TULP3: variants seen among roughly 807,000 people sequenced by gnomAD.
The protein encoded by TULP3 is tubby-related protein 3.
In TULP3, 38 loss-of-function variants were observed where a neutral mutation model predicts 50.7. That is an observed-to-expected ratio of 0.75 (90% CI 0.58 to 0.98). TULP3 has a LOEUF of 0.98. TULP3 is among the 50% of genes least tolerant of loss of function. TULP3 has a pLI of 0.00. For synonymous variants in TULP3, 183 were observed against 196.6 expected (o/e 0.93, Z 0.58); for missense variants, 550 against 568.0 (o/e 0.97, Z 0.32).
chr12:2,923,704 G>A (rs1591533321), intron 4 of TULP3, among the ~76,000 whole-genome samples: 1 of 151,772 alleles, frequency 6.6e-6, no homozygotes, highest in East Asian at 1.9e-4. Flanking sequence ...AGGCATGGTG[G>A]CTCATGCCTA....
rs1301917339 is a variant in TULP3, at chr12:2,940,513, C to T, written c.*1069C>T. The T allele has an allele frequency of 1.3e-6, 2 of 1,538,834 alleles. No homozygotes were observed. Among genetic ancestry groups the T allele is most frequent in the Admixed American group, 2.0e-5 (1 of 49,120 alleles). ...TCCACGTATTATGTGACTCTTACAC[C>T]AGTTCACCCTTCCCAGAATGTATCC... On this transcript the variant is annotated 3_prime_UTR_variant, in exon 11 of 11. Coordinates refer to ENST00000448120, the MANE Select transcript of TULP3 (RefSeq NM_003324.5).
intron 1 of TULP3, among the ~76,000 whole-genome samples, chr12:2,905,988 C>G (rs376449076): frequency 6.0e-4 from 90 of 150,580 alleles, no homozygotes; most frequent in Middle Eastern, 6.8e-3. Context: ...TGCCACTGCA[C>G]TCTAGCCCAG....
chr12:2,921,284 C>T (rs765604505), intron 3 of TULP3, among the ~76,000 whole-genome samples: 4 of 152,176 alleles, frequency 2.6e-5, no homozygotes, highest in South Asian at 4.1e-4. Flanking sequence ...GGTTTACAGG[C>T]GCCTGCCACC....
Position 2,940,846 on chromosome 12 carries a change from A to G in TULP3, c.*1402A>G. 1 of 909,916 alleles carries G rather than the reference A, an allele frequency of 1.1e-6. No homozygotes were observed. Among genetic ancestry groups the G allele is most frequent in the Non-Finnish European group, 1.6e-6 (1 of 610,418 alleles). The allele number at this position is 909,916 out of a possible 1,614,324, so 56.4% of individuals were successfully genotyped here. ...ATGTATCCCACCAAGTGCCTCCCTC[A>G]CAGCCATGCCCAGAAGCCTCACACC... On this transcript the variant is annotated 3_prime_UTR_variant, in exon 11 of 11. Coordinates refer to ENST00000448120, the MANE Select transcript of TULP3 (RefSeq NM_003324.5).
At chr12:2,932,408 G>A (rs2098198621) in intron 6 of TULP3, among the ~76,000 whole-genome samples, 1 of 151,874 alleles carries the variant, frequency 6.6e-6, no homozygotes, top group Non-Finnish European at 1.5e-5. Flanking sequence ...GGGAGACCCT[G>A]CCTCTAGCAA....
Position 2,940,599 on chromosome 12 carries a change from T to C in TULP3, c.*1155T>C. The C allele has an allele frequency of 6.4e-7, 1 of 1,551,752 alleles. No homozygotes were observed. Among genetic ancestry groups the C allele is most frequent in the Non-Finnish European group, 8.7e-7 (1 of 1,146,998 alleles). ...CGTCAGCACCATTCAGCTGCATCCC[T>C]TGTGCACAGAACTGTTTGCCAGCGT... On this transcript the variant is annotated 3_prime_UTR_variant, in exon 11 of 11. Coordinates refer to ENST00000448120, the MANE Select transcript of TULP3 (RefSeq NM_003324.5).
intron 1 of TULP3, among the ~76,000 whole-genome samples, chr12:2,891,969 C>G (rs2098172384): frequency 6.6e-6 from 1 of 151,888 alleles, no homozygotes; most frequent in Non-Finnish European, 1.5e-5. Context: ...GCCTGTAGTT[C>G]CAGCGACTCG....
At chr12:2,937,333 C>CAGCCTACCGAGT (rs1200547479) in intron 8 of TULP3, among the ~76,000 whole-genome samples, 1 of 147,876 alleles carries the variant, frequency 6.8e-6, no homozygotes, top group Admixed American at 6.9e-5. Flanking sequence ...TCTCCTGCCT[C>CAGCCTACCGAGT]AGCCTCCCGA....
intron 1 of TULP3, among the ~76,000 whole-genome samples, chr12:2,894,636 C>G (rs1307449270): frequency 1.3e-5 from 2 of 151,916 alleles, no homozygotes; most frequent in Non-Finnish European, 2.9e-5. Flanking sequence ...TGGCTCATGC[C>G]TGTAATCCCA....
intron 6 of TULP3, 74 bp downstream of exon 6, chr12:2,931,314 T>G: frequency 6.9e-7 from 1 of 1,445,728 alleles, no homozygotes; most frequent in Non-Finnish European, 9.5e-7. Context: ...TGATGGGCCT[T>G]AGGGAACTAA....
chr12:2,933,970 C>T (rs1016027328), intron 7 of TULP3, among the ~76,000 whole-genome samples: 2 of 151,876 alleles, frequency 1.3e-5, no homozygotes, highest in African/African-American at 4.8e-5. Flanking sequence ...AAAAATAAGG[C>T]TGGTGTGGTG....
chr12:2,938,189 G>A lies in TULP3; in HGVS notation c.1099G>A (p.Val367Ile), dbSNP rs770408342. 59 of 1,614,046 alleles carry A rather than the reference G, an allele frequency of 3.7e-5. No individual in the cohort carries two copies. Among genetic ancestry groups the A allele is most frequent in the Admixed American group, 1.2e-4 (7 of 59,988 alleles). ...NLVELHNKAP[V>I]WNSDTQSYVL... Reference sequence around the variant, plus strand: ...GGTTGAGCTGCACAACAAGGCCCCCGTCTGGAACAGTGACACTCAGTCCTA... The same window carrying A: ...GGTTGAGCTGCACAACAAGGCCCCCATCTGGAACAGTGACACTCAGTCCTA... The change falls in exon 10 of 11, where the codon GTC becomes ATC. Residue 367 changes from valine (V) to isoleucine (I), a missense_variant. Val to Ile is a conservative substitution (Grantham distance 29). Transcript: ENST00000448120.
chr12:2,930,138 C>A, intron 4 of TULP3, 110 bp from the exon 5 acceptor site: 1 of 721,864 alleles, frequency 1.4e-6, no homozygotes, highest in Non-Finnish European at 2.2e-6. Flanking sequence ...GTTGTGTTTA[C>A]GGTCAGAATA....
chr12:2,931,270 T>G, intron 6 of TULP3, 30 bp downstream of exon 6: 1 of 1,605,234 alleles, frequency 6.2e-7, no homozygotes, highest in Non-Finnish European at 8.5e-7. Context: ...AGAAAACTCT[T>G]GAGAGAGAGA....
At position 2,938,598 on chromosome 12, in the gene TULP3, A is replaced by C. The variant is rs60380309; in HGVS notation, c.1195+313A>C. On this transcript the variant is annotated intron_variant, in intron 10 of 10. Transcript: ENST00000448120. The stretch of plus-strand genomic sequence containing the variant: ...ATCGCTTGAGACCAGCCTGGGCAAC[A>C]TGGTGTGAAACCCCATCTCTACAAA... 4.2e-3 allele frequency among the ~76,000 whole-genome samples: 638 copies of C among 151,344 alleles called. 4 individuals carry two copies. The highest frequency in any genetic ancestry group is 0.014 in the African/African-American group (595 of 41,238).
Position 2,939,876 on chromosome 12 carries a change from C to T in TULP3, c.*432C>T. ...GACTTGGTGAGGGATCACAGCTTAG[C>T]ATGGGTGAGAGATGATTTAAAGCAC... On this transcript the variant is annotated 3_prime_UTR_variant, in exon 11 of 11. Coordinates refer to ENST00000448120, the MANE Select transcript of TULP3 (RefSeq NM_003324.5). This position sits in a 1 kb window ranked among gnomAD's most constrained non-coding sequence, Gnocchi z 4.0. 4.9e-6 allele frequency: 6 copies of T among 1,220,014 alleles called. No homozygotes were observed. Among genetic ancestry groups the T allele is most frequent in the Non-Finnish European group, 6.3e-6 (6 of 953,570 alleles). The allele number at this position is 1,220,014 out of a possible 1,614,324, so 75.6% of individuals were successfully genotyped here.
chr12:2,896,090 A>C (rs138305457), intron 1 of TULP3, among the ~76,000 whole-genome samples: 4,086 of 152,094 alleles, frequency 0.027, 192 homozygotes, highest in African/African-American at 0.094. Flanking sequence ...ACAGGCGTGC[A>C]CCACCATGCC....
chr12:2,916,057 T>C (rs543328172), intron 2 of TULP3, among the ~76,000 whole-genome samples: 1 of 152,136 alleles, frequency 6.6e-6, no homozygotes, highest in South Asian at 2.1e-4. Context: ...TTGCCCAGGC[T>C]GGAGTGCAAT....
intron 1 of TULP3, among the ~76,000 whole-genome samples, chr12:2,893,494 T>C (rs2098173527): frequency 6.6e-6 from 1 of 152,086 alleles, no homozygotes. Flanking sequence ...CTAATTTTTA[T>C]ATTTTTAGTA....
Sources: gnomAD v4.1 joint callset for allele counts (sites outside exome capture counted in the v4.1 genomes callset) on GRCh38, gnomAD v4.1.1 for gene constraint, Gnocchi (gnomAD v3.1) non-coding constraint, MANE v1.5 for transcripts, NCBI Gene and HGNC (gene_info 2026-07-23, HGNC 2026-07-21) for gene names.